Variants in SOAT1 observed in about 807,000 individuals in gnomAD.
SOAT1 encodes acyl-coenzyme A:cholesterol acyltransferase 1.
In SOAT1, 55 loss-of-function variants were observed where a neutral mutation model predicts 69.5. That is an observed-to-expected ratio of 0.79 (90% CI 0.64 to 0.99). The LOEUF is 0.99. Ranked by LOEUF, SOAT1 falls within the 50% of genes least tolerant of loss-of-function variation. SOAT1 has a pLI of 0.00. For synonymous variants in SOAT1, 231 were observed against 224.7 expected, an observed-to-expected ratio of 1.03 and a Z score of -0.25; for missense variants, 580 against 669.3, an observed-to-expected ratio of 0.87 and a Z score of 1.47.
At chr1:179,301,122 G>A (rs978508656) in intron 1 of SOAT1, among the ~76,000 whole-genome samples, 1 of 152,112 alleles carries the variant, frequency 6.6e-6, no homozygotes, top group Non-Finnish European at 1.5e-5. Flanking sequence ...ATTTTGAGAT[G>A]TGGTCTTGCT....
chr1:179,327,460 C>T (rs1665831394), intron 3 of SOAT1, among the ~76,000 whole-genome samples: 1 of 152,140 alleles, frequency 6.6e-6, no homozygotes, highest in South Asian at 2.1e-4. Context: ...TTTCAGAATT[C>T]ACTGCTTGTT....
At chr1:179,298,859 A>G (rs1432171293) in intron 1 of SOAT1, among the ~76,000 whole-genome samples, 1 of 152,222 alleles carries the variant, frequency 6.6e-6, no homozygotes, top group East Asian at 1.9e-4. Context: ...ACCATCATAA[A>G]GTTGAAAAAT....
chr1:179,323,911 T>C (rs1665693463), intron 3 of SOAT1, among the ~76,000 whole-genome samples: 1 of 152,150 alleles, frequency 6.6e-6, no homozygotes, highest in Non-Finnish European at 1.5e-5. Context: ...AATCATGAAA[T>C]CATTTCAAGT....
chr1:179,330,606 A>C (rs1665938043), intron 3 of SOAT1, among the ~76,000 whole-genome samples: 2 of 152,248 alleles, frequency 1.3e-5, no homozygotes, highest in Non-Finnish European at 2.9e-5. Flanking sequence ...TTGAACTATG[A>C]ATTTCTCCCA....
chr1:179,353,218 T>TATTTATATATATAA (rs1666804300), intron 15 of SOAT1, among the ~76,000 whole-genome samples: 3 of 120,508 alleles, frequency 2.5e-5, no homozygotes, highest in Admixed American at 1.0e-4. Context: ...AATATATATA[T>TATTTATATATATAA]ATATATCTAT....
intron 4 of SOAT1, among the ~76,000 whole-genome samples, chr1:179,336,000 C>T (rs1365192179): frequency 6.6e-6 from 1 of 151,922 alleles, no homozygotes; most frequent in Non-Finnish European, 1.5e-5. Flanking sequence ...TTTGTCTCTA[C>T]TAAAAATACA....
intron 3 of SOAT1, among the ~76,000 whole-genome samples, chr1:179,335,100 C>T (rs1270918007): frequency 6.6e-6 from 1 of 151,736 alleles, no homozygotes; most frequent in East Asian, 1.9e-4. Flanking sequence ...ACAGTGCCGC[C>T]TGCCTGTAAT....
At chr1:179,346,409 A>G (rs1191419146) in intron 11 of SOAT1, among the ~76,000 whole-genome samples, 1 of 152,230 alleles carries the variant, frequency 6.6e-6, no homozygotes, top group Non-Finnish European at 1.5e-5. Context: ...GATAAACAAA[A>G]TGCTTATGGC....
chr1:179,324,172 A>G (rs1665701823), intron 3 of SOAT1, among the ~76,000 whole-genome samples: 1 of 152,194 alleles, frequency 6.6e-6, no homozygotes, highest in Non-Finnish European at 1.5e-5. Flanking sequence ...GCATGTATGT[A>G]TGTACATATG....
At chr1:179,296,657 AT>A (rs941517781) in intron 1 of SOAT1, among the ~76,000 whole-genome samples, 1 of 151,898 alleles carries the variant, frequency 6.6e-6, no homozygotes, top group Non-Finnish European at 1.5e-5. Flanking sequence ...CCAGAGGGAA[AT>A]TTTTTTTGCT....
At chr1:179,308,596 T>C (rs6425531) in intron 2 of SOAT1, among the ~76,000 whole-genome samples, 150,425 of 150,828 alleles carry the variant, frequency 1, 75,017 homozygotes, top group Middle Eastern at 1. Flanking sequence ...CGCTTGAACC[T>C]GGGAGACGGA....
intron 5 of SOAT1, among the ~76,000 whole-genome samples, chr1:179,338,424 A>T (rs77574189): frequency 6.6e-6 from 1 of 152,022 alleles, no homozygotes; most frequent in Non-Finnish European, 1.5e-5. Flanking sequence ...CTGTCTCAAT[A>T]AAAAAAAGTG....
chr1:179,349,946 A>G (rs924126406), intron 13 of SOAT1, among the ~76,000 whole-genome samples: 13 of 152,306 alleles, frequency 8.5e-5, no homozygotes, highest in Admixed American at 2.6e-4. Flanking sequence ...TGTTATGTGT[A>G]AAAATGGAGA....
At chr1:179,319,239 A>T (rs6685245) in intron 2 of SOAT1, among the ~76,000 whole-genome samples, 72,679 of 146,886 alleles carry the variant, frequency 0.49, 18,792 homozygotes, top group East Asian at 0.84. Flanking sequence ...TTTTTTTTTT[A>T]AAAGAAATAT....
chr1:179,305,842 A>G (rs1445108186), intron 2 of SOAT1, among the ~76,000 whole-genome samples: 2 of 151,852 alleles, frequency 1.3e-5, no homozygotes, highest in East Asian at 3.9e-4. Flanking sequence ...CAGGTTTGTT[A>G]ATAGGGAGCT....
At chr1:179,323,024 T>G (rs1379205203) in intron 2 of SOAT1, among the ~76,000 whole-genome samples, 1 of 149,842 alleles carries the variant, frequency 6.7e-6, no homozygotes, top group East Asian at 2.0e-4. Flanking sequence ...GATTCTAGTT[T>G]CATTTTCTTT....
chr1:179,310,977 A>C, intron 2 of SOAT1, among the ~76,000 whole-genome samples: 1 of 152,174 alleles, frequency 6.6e-6, no homozygotes, highest in Non-Finnish European at 1.5e-5. Context: ...ACTAGGGGTC[A>C]GGAGACAAGG....
intron 10 of SOAT1, 80 bp from the exon 11 acceptor site, chr1:179,344,867 A>T: frequency 7.3e-7 from 1 of 1,361,480 alleles, no homozygotes. Context: ...TCACATCTGT[A>T]CTTTCTTTTG....
At chr1:179,308,250 A>C (rs969982824) in intron 2 of SOAT1, among the ~76,000 whole-genome samples, 4 of 152,212 alleles carry the variant, frequency 2.6e-5, no homozygotes, top group Admixed American at 6.5e-5. Context: ...AAACAAGATA[A>C]TATGATGTTG....
Sources: gnomAD v4.1 joint callset for allele counts (sites outside exome capture counted in the v4.1 genomes callset) on GRCh38, gnomAD v4.1.1 for gene constraint, MANE v1.5 for transcripts, NCBI Gene and HGNC (gene_info 2026-07-23, HGNC 2026-07-21) for gene names.